The following SLC24A4 variants were observed in gnomAD, a reference collection of about 807,000 sequenced individuals.
The protein encoded by SLC24A4 is solute carrier family 24 member 4.
A neutral mutation model predicts 79.0 loss-of-function variants in SLC24A4; 53 were observed. That is an observed-to-expected ratio of 0.67 (90% confidence interval 0.54 to 0.84). SLC24A4 has a LOEUF of 0.84. Ranked by LOEUF, SLC24A4 falls within the 40% of genes least tolerant of loss-of-function variation. The probability of loss-of-function intolerance (pLI) is 0.00; values close to 1 mark genes in which losing one functional copy is unlikely to be tolerated. For synonymous variants in SLC24A4, 323 were observed against 323.8 expected (o/e 1.00, Z 0.03); for missense variants, 731 against 822.0 (o/e 0.89, Z 1.35).
At chr14:92,346,398 C>T (rs1886529342) in intron 2 of SLC24A4, among the ~76,000 whole-genome samples, 1 of 152,124 alleles carries the variant, frequency 6.6e-6, no homozygotes. Flanking sequence ...GGTCACCTGT[C>T]CTCAGTCTCT....
At chr14:92,451,720 T>C (rs1050166977) in intron 10 of SLC24A4, 2 of 152,274 alleles carry the variant, frequency 1.3e-5, no homozygotes, top group Non-Finnish European at 2.9e-5. Context: ...TGAAACGTTC[T>C]TAAAGGCTGT....
At chr14:92,400,169 G>A (rs1385866121) in intron 2 of SLC24A4, among the ~76,000 whole-genome samples, 1 of 152,196 alleles carries the variant, frequency 6.6e-6, no homozygotes. Flanking sequence ...GGCCGAGCGT[G>A]GTGGCTCACG....
In SLC24A4 at chr14:92,499,157, CG is replaced by C. The variant is rs1896046599; in HGVS notation, c.*5532del. 6.6e-6 allele frequency: 1 copy of C among 152,202 alleles called. No individual in the cohort carries two copies. The highest frequency in any genetic ancestry group is 1.9e-4 in the East Asian group (1 of 5,198). The allele number at this position is 152,202 out of a possible 1,614,324, so 9.4% of individuals were successfully genotyped here. ...TCACAAGCACACACTGCCAGGGGCA[CG>C]GGTTGTCTTTCACCTGCATGTTTCT... On this transcript the variant is annotated 3_prime_UTR_variant, in exon 17 of 17. Transcript: ENST00000532405.
At chr14:92,492,154 C>T (rs1170394060) in intron 15 of SLC24A4, 21 bp from the exon 16 acceptor site, 1 of 1,605,728 alleles carries the variant, frequency 6.2e-7, no homozygotes, top group Admixed American at 1.7e-5. Context: ...AGACTCAGGG[C>T]ACGTGTGTTT....
Position 92,323,661 on chromosome 14 carries a change from A to C in SLC24A4, c.-170A>C. 1.3e-6 allele frequency: 1 copy of C among 778,576 alleles called. No individual in the cohort carries two copies. Among genetic ancestry groups the C allele is most frequent in the Non-Finnish European group, 1.9e-6 (1 of 530,434 alleles). 48.2% of individuals were successfully genotyped at this position (778,576 alleles called of 1,614,324 possible). ...CGCGTCGCGCGTCCCCACCTTCCCA[A>C]GGGGCTCCCCCGCCGACCTCGCCCT... is the stretch of plus-strand genomic sequence containing the variant. On this transcript the variant is annotated 5_prime_UTR_variant, in exon 1 of 17. Transcript: ENST00000532405. This position sits in a 1 kb window ranked among gnomAD's most constrained non-coding sequence, Gnocchi z 4.9.
At position 92,500,537 on chromosome 14, in the gene SLC24A4, A is replaced by G. The variant is rs1452431845; in HGVS notation, c.*6909A>G. ...TTGTTCTTGTGAGTTTTTTCTGGCC[A>G]CTGGGCATCTCTGCCCTCACTTTTC... On this transcript the variant is annotated 3_prime_UTR_variant, in exon 17 of 17. Coordinates refer to ENST00000532405, the MANE Select transcript of SLC24A4 (RefSeq NM_153646.4). 1 of 152,272 alleles carries G rather than the reference A, an allele frequency of 6.6e-6. No individual in the cohort carries two copies. Among genetic ancestry groups the G allele is most frequent in the Non-Finnish European group, 1.5e-5 (1 of 68,074 alleles). The allele number at this position is 152,272 out of a possible 1,614,324, so 9.4% of individuals were successfully genotyped here.
At chr14:92,416,119 T>TG (rs1310790868) in intron 2 of SLC24A4, among the ~76,000 whole-genome samples, 43 of 129,810 alleles carry the variant, frequency 3.3e-4, no homozygotes, top group Admixed American at 8.7e-4. Context: ...TATTTGTGTG[T>TG]GTGGTGTGTG....
In SLC24A4 at chr14:92,456,530, C is replaced by A. The variant is rs545379295; in HGVS notation, c.1177C>A (p.Gln393Lys). The A allele has an allele frequency of 6.2e-7, 1 of 1,613,742 alleles. No homozygotes were observed. Among genetic ancestry groups the A allele is most frequent in the African/African-American group, 1.3e-5 (1 of 75,032 alleles). Residue 393 changes from glutamine (Q) to lysine (K), a missense_variant, in exon 12 of 17, where the codon CAG becomes AAG. Transcript: ENST00000532405. ...CGAAGACCCTCAGCAGAATCAGGAG[C>A]AGCAGCCGCCGCCACAGCCACCACC... ...NPEDPQQNQEQQPPPQPPPPE... is the reference protein window; with the variant it reads ...NPEDPQQNQEKQPPPQPPPPE...
intron 2 of SLC24A4, among the ~76,000 whole-genome samples, chr14:92,405,826 C>G (rs1890344304): frequency 6.6e-6 from 1 of 152,144 alleles, no homozygotes; most frequent in African/African-American, 2.4e-5. Flanking sequence ...GGACACAAAT[C>G]CAAACCATAT....
chr14:92,415,825 G>A (rs1308866131), intron 2 of SLC24A4, among the ~76,000 whole-genome samples: 1 of 151,956 alleles, frequency 6.6e-6, no homozygotes, highest in Non-Finnish European at 1.5e-5. Context: ...GGTTATGCAA[G>A]TAAGTTCTTT....
At chr14:92,372,915 TCC>T (rs1175919479) in intron 2 of SLC24A4, among the ~76,000 whole-genome samples, 4 of 109,316 alleles carry the variant, frequency 3.7e-5, no homozygotes, top group African/African-American at 1.1e-4. Context: ...CTTCCTTCCT[TCC>T]TTTCTTTCTC....
chr14:92,399,454 A>G (rs1225653017), intron 2 of SLC24A4, among the ~76,000 whole-genome samples: 1 of 152,242 alleles, frequency 6.6e-6, no homozygotes, highest in Admixed American at 6.5e-5. Flanking sequence ...CCAAACTTGG[A>G]TAGGAAATAA....
chr14:92,469,048 C>T (rs1281736266), intron 12 of SLC24A4, among the ~76,000 whole-genome samples: 1 of 152,092 alleles, frequency 6.6e-6, no homozygotes, highest in East Asian at 1.9e-4. Flanking sequence ...TGCAAAGATG[C>T]TCACATCATT....
At chr14:92,434,085 T>A in intron 3 of SLC24A4, 97 bp downstream of exon 3, 1 of 945,386 alleles carries the variant, frequency 1.1e-6, no homozygotes, top group Non-Finnish European at 1.7e-6. Context: ...TCTTTTATTC[T>A]TGTAACAGCC....
At chr14:92,474,680 T>C (rs12881273) in intron 12 of SLC24A4, among the ~76,000 whole-genome samples, 6 of 51,894 alleles carry the variant, frequency 1.2e-4, no homozygotes, top group East Asian at 6.0e-4. Context: ...TATATATATA[T>C]ACACATATAT....
At chr14:92,392,051 G>T (rs548176367) in intron 2 of SLC24A4, among the ~76,000 whole-genome samples, 1 of 152,064 alleles carries the variant, frequency 6.6e-6, no homozygotes, top group Non-Finnish European at 1.5e-5. Context: ...CACCAGCCCT[G>T]GTTGCTTAAG....
intron 12 of SLC24A4, among the ~76,000 whole-genome samples, chr14:92,469,429 A>G (rs1406516913): frequency 3.3e-5 from 5 of 152,022 alleles, no homozygotes; most frequent in African/African-American, 4.8e-5. Context: ...GAATGGCATG[A>G]ACCCGGGAGG....
intron 2 of SLC24A4, among the ~76,000 whole-genome samples, chr14:92,381,763 T>TA (rs5810595): frequency 0.58 from 88,031 of 151,028 alleles, 27,064 homozygotes; most frequent in East Asian, 0.88. Flanking sequence ...TGCAGAGCTT[T>TA]AAAAAAAAAT....
chr14:92,413,924 G>C (rs1890852838), intron 2 of SLC24A4, among the ~76,000 whole-genome samples: 1 of 152,206 alleles, frequency 6.6e-6, no homozygotes, highest in Non-Finnish European at 1.5e-5. Flanking sequence ...AGGGACAGAG[G>C]AGAAGGGGTG....
Sources: allele counts gnomAD v4.1 joint callset (sites outside exome capture counted in the v4.1 genomes callset), GRCh38; gene constraint gnomAD v4.1.1; non-coding constraint Gnocchi (gnomAD v3.1); transcripts MANE v1.5; gene names NCBI Gene and HGNC (gene_info 2026-07-23, HGNC 2026-07-21).